The following ZFR variants were observed in gnomAD, a reference collection of about 807,000 sequenced individuals.
The protein encoded by ZFR is zinc finger RNA-binding protein.
ZFR carries 19 observed loss-of-function variants against 130.7 expected under a neutral mutation model. That is an observed-to-expected ratio of 0.15 (90% CI 0.10 to 0.21). The LOEUF is 0.21. ZFR is among the 10% of genes least tolerant of loss of function. The pLI is 1.00. For missense variants in ZFR, 872 were observed against 1,321.5 expected, an observed-to-expected ratio of 0.66 and a Z score of 5.27; for synonymous variants, 466 against 456.9, an observed-to-expected ratio of 1.02 and a Z score of -0.25.
intron 19 of ZFR, among the ~76,000 whole-genome samples, chr5:32,361,618 C>CTT (rs1194868463): frequency 4.3e-4 from 57 of 134,016 alleles, no homozygotes; most frequent in East Asian, 6.5e-4. Context: ...TCAGCCTATT[C>CTT]TTTTTTTTTT....
intron 8 of ZFR, among the ~76,000 whole-genome samples, chr5:32,402,249 G>C (rs575276350): frequency 6.6e-6 from 1 of 152,308 alleles, no homozygotes; most frequent in East Asian, 1.9e-4. Context: ...GGAAAACTGA[G>C]AAAGGGGTGG....
chr5:32,386,349 T>C (rs1753046846), intron 14 of ZFR, among the ~76,000 whole-genome samples: 1 of 152,134 alleles, frequency 6.6e-6, no homozygotes, highest in Non-Finnish European at 1.5e-5. Context: ...GCACTTACTA[T>C]AGTATAAATT....
chr5:32,400,210 A>T lies in ZFR; in HGVS notation c.1517-7T>A. On this transcript the variant is annotated splice_region_variant and splice_polypyrimidine_tract_variant and intron_variant, in intron 8 of 19. Coordinates refer to ENST00000265069, the MANE Select transcript of ZFR (RefSeq NM_016107.5). ...GACTGCAGCTTATTACCACCTAGAA[A>T]AGTATCAAAAAGTTAAAAAAAATTT... 6.4e-7 allele frequency: 1 copy of T among 1,554,742 alleles called. No homozygotes were observed. The highest frequency in any genetic ancestry group is 1.2e-5 in the South Asian group (1 of 81,104).
chr5:32,431,720 T>A (rs1179787944), intron 2 of ZFR, among the ~76,000 whole-genome samples: 1 of 150,600 alleles, frequency 6.6e-6, no homozygotes, highest in Admixed American at 6.6e-5. Context: ...ATTTTATGTA[T>A]CTACGAAACT....
chr5:32,427,612 ATTTT>A (rs879277147), intron 2 of ZFR, among the ~76,000 whole-genome samples: 5 of 151,052 alleles, frequency 3.3e-5, no homozygotes, highest in African/African-American at 1.2e-4. Flanking sequence ...AATCCCAGTG[ATTTT>A]TTTTTGCCAG....
rs187380052 is a variant in ZFR at position 32,374,471 on chromosome 5, C to T, written c.2835+4644G>A. 3.0e-3 allele frequency among the ~76,000 whole-genome samples: 457 copies of T among 151,858 alleles called. 1 individual carries two copies. The highest frequency in any genetic ancestry group is 9.5e-3 in the African/African-American group (394 of 41,402). ...TGAGCCAAGAAAGCACTGCTGCACT[C>T]CAGGCTGGGGTACAGAGCGAGACTC... On this transcript the variant is annotated intron_variant, in intron 17 of 19. Coordinates refer to ENST00000265069, the MANE Select transcript of ZFR (RefSeq NM_016107.5).
chr5:32,376,777 A>C (rs1752821931), intron 17 of ZFR, among the ~76,000 whole-genome samples: 1 of 152,164 alleles, frequency 6.6e-6, no homozygotes, highest in Non-Finnish European at 1.5e-5. Context: ...ACCCAAGGTT[A>C]GCAGTTTGAG....
intron 17 of ZFR, among the ~76,000 whole-genome samples, chr5:32,368,778 A>G (rs1472035266): frequency 6.6e-6 from 1 of 152,216 alleles, no homozygotes; most frequent in Non-Finnish European, 1.5e-5. Context: ...CTAAGTCTTC[A>G]CATATATTAA....
intron 9 of ZFR, among the ~76,000 whole-genome samples, chr5:32,398,287 C>T (rs1463567441): frequency 2.0e-5 from 3 of 152,056 alleles, no homozygotes; most frequent in South Asian, 2.1e-4. Context: ...ATGAAGATAA[C>T]GACGAATAAT....
At chr5:32,371,427 G>T (rs1034197730) in intron 17 of ZFR, among the ~76,000 whole-genome samples, 9 of 152,150 alleles carry the variant, frequency 5.9e-5, no homozygotes, top group Non-Finnish European at 1.3e-4. Context: ...GTAATAGCTT[G>T]AATCAAACAG....
At chr5:32,423,626 TGACA>T (rs1172821808) in intron 2 of ZFR, among the ~76,000 whole-genome samples, 1 of 151,826 alleles carries the variant, frequency 6.6e-6, no homozygotes, top group African/African-American at 2.4e-5. Context: ...CCTGAAGGAA[TGACA>T]GAAAAGAAAA....
chr5:32,374,266 G>C (rs904172359), intron 17 of ZFR, among the ~76,000 whole-genome samples: 1 of 152,144 alleles, frequency 6.6e-6, no homozygotes, highest in Non-Finnish European at 1.5e-5. Flanking sequence ...AGCAACTTGT[G>C]AGGCCAAGGT....
rs1325085660 is a variant in ZFR, at chr5:32,420,021, G to T, written c.220C>A (p.His74Asn). The T allele has an allele frequency of 6.2e-7, 1 of 1,613,608 alleles. No homozygotes were observed. The highest frequency in any genetic ancestry group is 8.5e-7 in the Non-Finnish European group (1 of 1,180,020). ...YTVHQAPVAA[H>N]TVTAAYAPAA... ...GGTGCATAGGCAGCAGTAACTGTGTGAGCAGCTACTGGAGCCTGATGGACA... is the reference window on the plus strand; with the variant it reads ...GGTGCATAGGCAGCAGTAACTGTGTTAGCAGCTACTGGAGCCTGATGGACA... The change falls in exon 3 of 20, where the codon CAC becomes AAC. Residue 74 changes from histidine (H) to asparagine (N), a missense_variant. Coordinates refer to ENST00000265069, the MANE Select transcript of ZFR (RefSeq NM_016107.5).
chr5:32,379,802 A>C (rs1752896919), intron 16 of ZFR: 2 of 296,198 alleles, frequency 6.8e-6, no homozygotes, highest in African/African-American at 2.1e-5. Context: ...ATGTTCCTAA[A>C]CAAGTCAACT....
intron 2 of ZFR, among the ~76,000 whole-genome samples, chr5:32,427,374 CAAAAAAAAA>C (rs540663022): frequency 3.0e-5 from 2 of 66,504 alleles, no homozygotes; most frequent in African/African-American, 6.5e-5. Context: ...GACTCTGTCT[CAAAAAAAAA>C]AAAAAAAAAA....
intron 12 of ZFR, 104 bp from the exon 13 acceptor site, chr5:32,388,778 C>A (rs898327719): frequency 2.9e-6 from 3 of 1,050,634 alleles, no homozygotes; most frequent in Non-Finnish European, 4.1e-6. Flanking sequence ...AATAAGAAAG[C>A]CTTTATCTTC....
chr5:32,395,124 C>T, intron 11 of ZFR, 35 bp downstream of exon 11: 2 of 1,545,018 alleles, frequency 1.3e-6, no homozygotes, highest in Non-Finnish European at 8.7e-7. Flanking sequence ...AAAGGCTGAA[C>T]CACTTACCAG....
At chr5:32,365,014 T>C (rs1043812766) in intron 17 of ZFR, 5 of 152,218 alleles carry the variant, frequency 3.3e-5, no homozygotes, top group Non-Finnish European at 5.9e-5. Flanking sequence ...CCCTTTCTTT[T>C]AGCCCTTGGC....
At chr5:32,364,435 T>C (rs1016331574) in intron 17 of ZFR, 160 bp from the exon 18 acceptor site, 1 of 466,494 alleles carries the variant, frequency 2.1e-6, no homozygotes, top group African/African-American at 2.0e-5. Context: ...ATAAAAACAT[T>C]CAAAATTAAG....
Sources: allele counts gnomAD v4.1 joint callset (sites outside exome capture counted in the v4.1 genomes callset), GRCh38; gene constraint gnomAD v4.1.1; transcripts MANE v1.5; gene names NCBI Gene and HGNC (gene_info 2026-07-23, HGNC 2026-07-21).